The following RGS6 variants were observed in gnomAD, a reference collection of about 807,000 sequenced individuals.
RGS6 encodes regulator of G-protein signaling 6.
Under a neutral mutation model 78.5 loss-of-function variants are expected in RGS6, and 30 were observed. The ratio of observed to expected loss-of-function variants is 0.38; its 90% CI spans 0.29 to 0.52. The LOEUF is 0.52. Ranked by LOEUF, RGS6 falls within the 20% of genes least tolerant of loss-of-function variation. The pLI is 0.85. For missense variants in RGS6, 495 were observed against 609.7 expected (o/e 0.81, Z 1.98); for synonymous variants, 206 against 206.0 (o/e 1.00, Z 0.00).
chr14:72,530,663 C>T (rs1032788134), intron 15 of RGS6, among the ~76,000 whole-genome samples: 1 of 152,178 alleles, frequency 6.6e-6, no homozygotes, highest in Non-Finnish European at 1.5e-5. Flanking sequence ...TGCACTCCAG[C>T]CTGGGCAACA....
chr14:72,572,587 C>T, the RGS6 span, among the ~76,000 whole-genome samples: 1 of 152,076 alleles, frequency 6.6e-6, no homozygotes, highest in Non-Finnish European at 1.5e-5. Context: ...AAAGAATGTC[C>T]AGAATAGGCA....
intron 11 of RGS6, 28 bp downstream of exon 11, chr14:72,476,868 A>C (rs2096252481): frequency 6.1e-5 from 96 of 1,580,460 alleles, no homozygotes; most frequent in Non-Finnish European, 7.5e-5. Context: ...TTGCACTCTC[A>C]GGAGGAGACG....
intron 2 of RGS6, among the ~76,000 whole-genome samples, chr14:71,982,390 G>A (rs1373369830): frequency 6.6e-6 from 1 of 152,204 alleles, no homozygotes; most frequent in Non-Finnish European, 1.5e-5. Flanking sequence ...CTAGGACAAT[G>A]TTACGTTACT....
chr14:72,450,374 A>G (rs1272480076), intron 3 of RGS6, among the ~76,000 whole-genome samples: 1 of 152,212 alleles, frequency 6.6e-6, no homozygotes, highest in East Asian at 1.9e-4. Context: ...TGAAATACAT[A>G]TAACACATAC....
At chr14:71,876,696 G>A in the RGS6 span, among the ~76,000 whole-genome samples, 3 of 151,880 alleles carry the variant, frequency 2.0e-5, no homozygotes, top group South Asian at 2.1e-4. Context: ...ATATTGTTAT[G>A]TGTGAATTTG....
chr14:72,393,054 C>G (rs1172790189), intron 3 of RGS6, among the ~76,000 whole-genome samples: 2 of 152,130 alleles, frequency 1.3e-5, no homozygotes, highest in African/African-American at 2.4e-5. Context: ...TATGTTGAAC[C>G]CTGTATGGCA....
At chr14:72,546,385 G>A (rs532310758) in intron 17 of RGS6, among the ~76,000 whole-genome samples, 2 of 152,290 alleles carry the variant, frequency 1.3e-5, no homozygotes, top group Admixed American at 6.5e-5. Flanking sequence ...AGACAAAGTG[G>A]CTCCTCACGG....
intron 2 of RGS6, among the ~76,000 whole-genome samples, chr14:72,086,309 T>C (rs1567175705): frequency 6.6e-6 from 1 of 152,194 alleles, no homozygotes; most frequent in African/African-American, 2.4e-5. Flanking sequence ...TTAGAGTTTT[T>C]CTCCCACAAT....
chr14:71,891,500 A>T, the RGS6 span, among the ~76,000 whole-genome samples: 1 of 152,188 alleles, frequency 6.6e-6, no homozygotes, highest in South Asian at 2.1e-4. Flanking sequence ...CTGATTTCTT[A>T]CATGGCAACT....
chr14:72,055,040 A>G (rs1352190087), intron 2 of RGS6, among the ~76,000 whole-genome samples: 1 of 152,234 alleles, frequency 6.6e-6, no homozygotes, highest in Non-Finnish European at 1.5e-5. Context: ...GTCATTGGGC[A>G]TTCAGGGTGT....
intron 2 of RGS6, among the ~76,000 whole-genome samples, chr14:72,143,372 CA>C (rs528429298): frequency 2.0e-5 from 3 of 149,546 alleles, no homozygotes; most frequent in Non-Finnish European, 3.0e-5. Context: ...GACTCCATCT[CA>C]AAAAAAAACA....
At chr14:72,099,233 C>G (rs1248816548) in intron 2 of RGS6, among the ~76,000 whole-genome samples, 1 of 152,082 alleles carries the variant, frequency 6.6e-6, no homozygotes, top group African/African-American at 2.4e-5. Context: ...GATCTCGGCT[C>G]CCTGCAAGCT....
At chr14:71,929,517 G>A (rs974974259), upstream of RGS6, among the ~76,000 whole-genome samples, 3 of 152,098 alleles carry the variant, frequency 2.0e-5, no homozygotes, top group South Asian at 2.1e-4. Context: ...TTTACCAGTC[G>A]ATTAAGATGA....
intron 3 of RGS6, among the ~76,000 whole-genome samples, chr14:72,399,280 T>C (rs2091998320): frequency 6.6e-6 from 1 of 152,164 alleles, no homozygotes; most frequent in Non-Finnish European, 1.5e-5. Flanking sequence ...CCTTTACCAT[T>C]ATGTAATGGC....
intron 3 of RGS6, among the ~76,000 whole-genome samples, chr14:72,435,638 T>C (rs888383808): frequency 1.3e-5 from 2 of 152,162 alleles, no homozygotes; most frequent in Non-Finnish European, 2.9e-5. Context: ...TTATTGCTTT[T>C]TCTAGCTTCT....
At chr14:72,567,297 A>G (rs2097714548), downstream of RGS6, among the ~76,000 whole-genome samples, 1 of 152,090 alleles carries the variant, frequency 6.6e-6, no homozygotes, top group African/African-American at 2.4e-5. Flanking sequence ...GGTCCATAAC[A>G]TGTCCCACCT....
chr14:72,003,544 T>G (rs2083907217), intron 2 of RGS6, among the ~76,000 whole-genome samples: 3 of 152,210 alleles, frequency 2.0e-5, no homozygotes, highest in Non-Finnish European at 4.4e-5. Flanking sequence ...TGGATGTATA[T>G]AAAACCTTTA....
At chr14:72,289,634 G>C (rs55749637) in intron 2 of RGS6, among the ~76,000 whole-genome samples, 1 of 152,110 alleles carries the variant, frequency 6.6e-6, no homozygotes, top group African/African-American at 2.4e-5. Flanking sequence ...CTGAAACACA[G>C]GTTACCTGCC....
the RGS6 span, chr14:72,619,379 G>T: frequency 5.0e-4 from 774 of 1,536,096 alleles, 5 homozygotes; most frequent in African/African-American, 9.7e-3. Flanking sequence ...TGCAAGAAAT[G>T]AGACGGCTTT....
Sources: allele counts gnomAD v4.1 joint callset (sites outside exome capture counted in the v4.1 genomes callset), GRCh38; gene constraint gnomAD v4.1.1; transcripts MANE v1.5; gene names NCBI Gene and HGNC (gene_info 2026-07-23, HGNC 2026-07-21).